The following SLC4A4 variants were observed in gnomAD, a reference collection of about 807,000 sequenced individuals.
SLC4A4 encodes solute carrier family 4 member 4, also known as electrogenic sodium bicarbonate cotransporter 1.
SLC4A4 carries 27 observed loss-of-function variants against 111.5 expected under a neutral mutation model. That is an observed-to-expected ratio of 0.24 (90% CI 0.18 to 0.33). The LOEUF (loss-of-function observed/expected upper bound fraction) is 0.33, where lower values mean the gene tolerates loss of function less well. SLC4A4 is among the 10% of genes least tolerant of loss of function. The pLI is 1.00. For missense variants in SLC4A4, 909 were observed against 1,315.5 expected, an observed-to-expected ratio of 0.69 and a Z score of 4.78; for synonymous variants, 443 against 463.4, an observed-to-expected ratio of 0.96 and a Z score of 0.57.
chr4:71,401,939 T>C (rs953909407), intron 7 of SLC4A4, among the ~76,000 whole-genome samples: 11 of 152,336 alleles, frequency 7.2e-5, no homozygotes, highest in African/African-American at 2.6e-4. Context: ...TGGTTATTAT[T>C]TCTGTGATAT....
At chr4:71,548,900 G>A (rs1735760951) in intron 20 of SLC4A4, among the ~76,000 whole-genome samples, 3 of 152,006 alleles carry the variant, frequency 2.0e-5, no homozygotes, top group South Asian at 4.1e-4. Context: ...TGCCTTCAGG[G>A]TATTTAGACT....
intron 3 of SLC4A4, among the ~76,000 whole-genome samples, chr4:71,325,424 T>C (rs924118614): frequency 2.0e-5 from 3 of 152,040 alleles, no homozygotes; most frequent in Admixed American, 2.0e-4. Context: ...AAATTGTAAT[T>C]GTCAAGTATG....
intron 3 of SLC4A4, among the ~76,000 whole-genome samples, chr4:71,327,222 A>G (rs1444543753): frequency 6.6e-6 from 1 of 152,046 alleles, no homozygotes; most frequent in Non-Finnish European, 1.5e-5. Flanking sequence ...TTGGTGAATA[A>G]TGAACCAAAT....
intron 1 of SLC4A4, among the ~76,000 whole-genome samples, chr4:71,214,552 CTT>C (rs1482457508): frequency 2.6e-5 from 4 of 152,148 alleles, no homozygotes; most frequent in Non-Finnish European, 5.9e-5. Context: ...TGTCCCATAT[CTT>C]TACTCTTGCG....
chr4:71,471,440 T>TA (rs1448497015), intron 13 of SLC4A4, among the ~76,000 whole-genome samples: 2 of 151,900 alleles, frequency 1.3e-5, no homozygotes, highest in African/African-American at 4.8e-5. Flanking sequence ...GGCAAAAACT[T>TA]ACCTGTGGGT....
intron 3 of SLC4A4, among the ~76,000 whole-genome samples, chr4:71,297,649 G>A (rs1328883472): frequency 1.0e-4 from 15 of 148,388 alleles, no homozygotes; most frequent in Admixed American, 3.4e-4. Flanking sequence ...GTGCAGTGGC[G>A]TAATATAGGC....
chr4:71,197,376 A>G (rs1746055408), intron 1 of SLC4A4, among the ~76,000 whole-genome samples: 1 of 152,132 alleles, frequency 6.6e-6, no homozygotes, highest in African/African-American at 2.4e-5. Flanking sequence ...ATGGTTTGTG[A>G]TATGTTATAG....
rs779587819 is a variant in SLC4A4 at position 71,255,352 on chromosome 4, A to T, written c.206A>T (p.Asp69Val). 1 of 1,613,620 alleles carries T rather than the reference A, an allele frequency of 6.2e-7. No homozygotes were observed. Among genetic ancestry groups the T allele is most frequent in the Non-Finnish European group, 8.5e-7 (1 of 1,179,624 alleles). ...TCTGAGAACTACTCTGACAAATCAG[A>T]TATTGAAAATGCTGATGAATCCAGC... The part of the protein sequence containing the change: ...RISENYSDKS[D>V]IENADESSSS... Residue 69 changes from aspartate to valine, a missense_variant, in exon 3 of 26, where the codon GAT becomes GTT. Transcript: ENST00000264485.
At chr4:71,476,922 G>A (rs1430580790) in intron 14 of SLC4A4, among the ~76,000 whole-genome samples, 1 of 151,702 alleles carries the variant, frequency 6.6e-6, no homozygotes, top group Non-Finnish European at 1.5e-5. Flanking sequence ...AGACGAAATG[G>A]ATGTTAAATT....
rs1721373135 is a variant in SLC4A4, at chr4:71,255,386, C to T, written c.240C>T (p.Ile80=). 6.2e-7 allele frequency: 1 copy of T among 1,613,464 alleles called. No individual in the cohort carries two copies. The change falls in exon 3 of 26, where the codon ATC becomes ATT. Residue 80 remains isoleucine, a synonymous_variant. Transcript: ENST00000264485. ...IENADESSSS[I]LKPLISPAAE... is the part of the protein sequence containing the mutation. Reference sequence around the variant, plus strand: ...ATGCTGATGAATCCAGCAGCAGCATCCTAAAACCTCTCAGTGAGTACTCTC... The same window carrying T: ...ATGCTGATGAATCCAGCAGCAGCATTCTAAAACCTCTCAGTGAGTACTCTC...
chr4:71,100,331 A>C (rs1466657686), intron 2 of SLC4A4, among the ~76,000 whole-genome samples: 2 of 150,932 alleles, frequency 1.3e-5, no homozygotes, highest in African/African-American at 4.9e-5. Flanking sequence ...TCATCACATA[A>C]ACAGAATTAA....
At chr4:71,489,191 C>T (rs1050409023) in intron 15 of SLC4A4, among the ~76,000 whole-genome samples, 2 of 151,640 alleles carry the variant, frequency 1.3e-5, no homozygotes, top group African/African-American at 4.8e-5. Flanking sequence ...ATAGATGAAA[C>T]AGAGACTTAG....
chr4:71,566,972 C>A, intron 24 of SLC4A4, 32 bp from the exon 25 acceptor site: 2 of 1,563,026 alleles, frequency 1.3e-6, no homozygotes, highest in South Asian at 2.2e-5. Flanking sequence ...AAAGATCTAC[C>A]ATTTATGTTT....
chr4:71,338,397 A>G (rs1016376771), intron 3 of SLC4A4, among the ~76,000 whole-genome samples: 6 of 152,216 alleles, frequency 3.9e-5, no homozygotes, highest in African/African-American at 7.2e-5. Flanking sequence ...TGTGTACTTG[A>G]ACTGCATTCA....
chr4:71,083,272 TG>T (rs1449184787), intron 1 of SLC4A4, among the ~76,000 whole-genome samples: 2 of 151,400 alleles, frequency 1.3e-5, no homozygotes, highest in South Asian at 4.1e-4. Flanking sequence ...TTTTCCAACT[TG>T]TTTTTTTTTT....
At chr4:71,476,395 T>C (rs920652703) in intron 14 of SLC4A4, among the ~76,000 whole-genome samples, 3 of 151,688 alleles carry the variant, frequency 2.0e-5, no homozygotes, top group African/African-American at 7.2e-5. Flanking sequence ...AGTAAAATAA[T>C]TCAATGAGTC....
chr4:71,139,710 T>C (rs1237984409), intron 2 of SLC4A4, among the ~76,000 whole-genome samples: 1 of 152,236 alleles, frequency 6.6e-6, no homozygotes, highest in East Asian at 1.9e-4. Context: ...TTTATTTATT[T>C]ATTTCACTGA....
intron 2 of SLC4A4, among the ~76,000 whole-genome samples, chr4:71,175,882 CA>C (rs1030633836): frequency 6.6e-6 from 1 of 152,176 alleles, no homozygotes; most frequent in Non-Finnish European, 1.5e-5. Flanking sequence ...ACTGCCTCCT[CA>C]AGTGGGTCCC....
At chr4:71,449,449 T>C (rs999034474) in intron 9 of SLC4A4, among the ~76,000 whole-genome samples, 1 of 152,188 alleles carries the variant, frequency 6.6e-6, no homozygotes, top group African/African-American at 2.4e-5. Context: ...GAAAATAAGG[T>C]TGAGGATGGC....
Sources: gnomAD v4.1 joint callset for allele counts (sites outside exome capture counted in the v4.1 genomes callset) on GRCh38, gnomAD v4.1.1 for gene constraint, MANE v1.5 for transcripts, NCBI Gene and HGNC (gene_info 2026-07-23, HGNC 2026-07-21) for gene names.